The following MTMR7 variants were observed in gnomAD, a reference collection of about 807,000 sequenced individuals.
The protein encoded by MTMR7 is myotubularin related protein 7.
Under a neutral mutation model 81.2 loss-of-function variants are expected in MTMR7, and 76 were observed. That is an observed-to-expected ratio of 0.94 (90% confidence interval 0.78 to 1.13). MTMR7 has a LOEUF of 1.13. Ranked by LOEUF, MTMR7 falls within the 50% of genes most tolerant of loss-of-function variation. The probability of loss-of-function intolerance (pLI) is 0.00; values close to 1 mark genes in which losing one functional copy is unlikely to be tolerated. For missense variants in MTMR7, 1,044 were observed against 820.0 expected, an observed-to-expected ratio of 1.27 and a Z score of -3.34; for synonymous variants, 372 against 289.8, an observed-to-expected ratio of 1.28 and a Z score of -2.88.
At chr8:17,332,703 G>T (rs61003777) in intron 6 of MTMR7, among the ~76,000 whole-genome samples, 17,526 of 152,200 alleles carry the variant, frequency 0.12, 1,330 homozygotes, top group East Asian at 0.32. Flanking sequence ...CATATAGGTC[G>T]AACCATTAAG....
intron 1 of MTMR7, among the ~76,000 whole-genome samples, chr8:17,394,815 T>C (rs954041748): frequency 4.5e-4 from 60 of 133,150 alleles, no homozygotes; most frequent in Admixed American, 8.0e-4. Flanking sequence ...ATAGTTGATA[T>C]ACATTTGCCA....
At chr8:17,412,018 G>A (rs1391541919) in intron 1 of MTMR7, among the ~76,000 whole-genome samples, 1 of 152,168 alleles carries the variant, frequency 6.6e-6, no homozygotes, top group Non-Finnish European at 1.5e-5. Context: ...TGAAAGCTTT[G>A]AGCCACCTAT....
chr8:17,357,623 G>A (rs1326102780), intron 4 of MTMR7, among the ~76,000 whole-genome samples: 3 of 152,042 alleles, frequency 2.0e-5, no homozygotes, highest in Non-Finnish European at 4.4e-5. Context: ...CCTGTACATC[G>A]TTTCACTCAA....
At position 17,371,351 on chromosome 8, in the gene MTMR7, T is replaced by A. The variant is rs1007334408; in HGVS notation, c.148-152A>T. On this transcript the variant is annotated intron_variant, in intron 2 of 13. Coordinates refer to ENST00000180173, the MANE Select transcript of MTMR7 (RefSeq NM_004686.5). ...TGCGTTCAGATGACAAGCACTGAGA[T>A]GTTCCAGGTAAGAACCAACTTCCTA... 10 of 776,978 alleles carry A rather than the reference T, an allele frequency of 1.3e-5. 1 individual carries two copies. Among genetic ancestry groups the A allele is most frequent in the Non-Finnish European group, 2.0e-5 (10 of 506,978 alleles). 48.1% of individuals were successfully genotyped at this position (776,978 alleles called of 1,614,324 possible).
chr8:17,390,235 A>G (rs1026997625), intron 1 of MTMR7, among the ~76,000 whole-genome samples: 2 of 152,094 alleles, frequency 1.3e-5, no homozygotes, highest in Non-Finnish European at 2.9e-5. Flanking sequence ...GGGAGGCCTC[A>G]GGAAGCTTCC....
At chr8:17,343,895 G>A (rs962091124) in intron 5 of MTMR7, among the ~76,000 whole-genome samples, 1 of 152,114 alleles carries the variant, frequency 6.6e-6, no homozygotes, top group Non-Finnish European at 1.5e-5. Context: ...TATCCAAAGA[G>A]TATTACTATT....
At chr8:17,390,432 C>T (rs775974528) in intron 1 of MTMR7, among the ~76,000 whole-genome samples, 1 of 152,120 alleles carries the variant, frequency 6.6e-6, no homozygotes, top group South Asian at 2.1e-4. Flanking sequence ...ATCATGCAAC[C>T]ATCTCCCACC....
At position 17,297,570 on chromosome 8, in the gene MTMR7, T is replaced by TCAA. The variant is rs1341137407; in HGVS notation, c.*2289_*2291dup. 2 of 151,992 alleles carry TCAA rather than the reference T, an allele frequency of 1.3e-5. No individual in the cohort carries two copies. Among genetic ancestry groups the TCAA allele is most frequent in the East Asian group, 1.9e-4 (1 of 5,202 alleles). The allele number at this position is 151,992 out of a possible 1,614,324, so 9.4% of individuals were successfully genotyped here. A position where few individuals can be genotyped will look rare whatever the true frequency, so the allele number is the denominator to read the frequency against. On this transcript the variant is annotated 3_prime_UTR_variant, in exon 14 of 14. Transcript: ENST00000180173. Reference sequence around the variant, plus strand: ...AAAATTCTTACCTATTTATTTCATATCAACTTTAAAAAATAAATTACTTGC... The same window carrying TCAA: ...AAAATTCTTACCTATTTATTTCATATCAACAACTTTAAAAAATAAATTACTTGC...
At chr8:17,362,089 C>G (rs1170947845) in intron 3 of MTMR7, among the ~76,000 whole-genome samples, 1 of 152,044 alleles carries the variant, frequency 6.6e-6, no homozygotes, top group Admixed American at 6.6e-5. Context: ...CCAGCGCTAT[C>G]CAACAGAAAT....
At chr8:17,314,189 C>G (rs1382186704) in intron 7 of MTMR7, among the ~76,000 whole-genome samples, 1 of 152,110 alleles carries the variant, frequency 6.6e-6, no homozygotes, top group Admixed American at 6.5e-5. Context: ...ATCACAAATA[C>G]GGCAATCCAA....
chr8:17,302,804 C>T (rs1817215063), intron 12 of MTMR7, among the ~76,000 whole-genome samples: 1 of 149,640 alleles, frequency 6.7e-6, no homozygotes, highest in Non-Finnish European at 1.5e-5. Flanking sequence ...CCTCCACCTC[C>T]CGGGTTCAAG....
chr8:17,341,700 C>A (rs1004221168), intron 5 of MTMR7, among the ~76,000 whole-genome samples: 4 of 152,148 alleles, frequency 2.6e-5, no homozygotes, highest in Admixed American at 1.3e-4. Flanking sequence ...ATACAAAGAA[C>A]CTGTCTGTGC....
At chr8:17,392,084 G>C (rs1821125651) in intron 1 of MTMR7, among the ~76,000 whole-genome samples, 1 of 152,128 alleles carries the variant, frequency 6.6e-6, no homozygotes, top group Non-Finnish European at 1.5e-5. Flanking sequence ...CACGGACAAA[G>C]TCACGGAATC....
At position 17,300,007 on chromosome 8, in the gene MTMR7, G is replaced by A; in HGVS notation, c.1838C>T (p.Ser613Leu). The A allele has an allele frequency of 6.2e-7, 1 of 1,614,136 alleles. No homozygotes were observed. Among genetic ancestry groups the A allele is most frequent in the Non-Finnish European group, 8.5e-7 (1 of 1,180,016 alleles). Reference sequence around the variant, plus strand: ...ACTGTTGGCTGACAGATCTGGATCTGAACTTTTCAGATTGTCTTGGGTTAG... The same window carrying A: ...ACTGTTGGCTGACAGATCTGGATCTAAACTTTTCAGATTGTCTTGGGTTAG... ...LILTQDNLKS[S>L]DPDLSANSDQ... Residue 613 changes from serine (S) to leucine (L), a missense_variant, in exon 14 of 14, where the codon TCA (serine) becomes TTA (leucine). By Grantham distance (145) the Ser-to-Leu change is moderately radical. Coordinates refer to ENST00000180173, the MANE Select transcript of MTMR7 (RefSeq NM_004686.5).
At chr8:17,337,506 T>G (rs1324298180) in intron 6 of MTMR7, among the ~76,000 whole-genome samples, 2 of 152,192 alleles carry the variant, frequency 1.3e-5, no homozygotes. Context: ...CACCTTCATA[T>G]GTTCTTAAAG....
rs146438584 is a variant in MTMR7 at position 17,413,309 on chromosome 8, C to T, written c.-17G>A. On this transcript the variant is annotated 5_prime_UTR_variant, in exon 1 of 14. Transcript: ENST00000180173. Reference sequence around the variant, plus strand: ...GTGCTCCATGGCTGGCCCACGTCTGCAGGGTCCCGGGCGGGCGCGGCCTCA... The same window carrying T: ...GTGCTCCATGGCTGGCCCACGTCTGTAGGGTCCCGGGCGGGCGCGGCCTCA... The T allele has an allele frequency of 0.062, 95,967 of 1,540,432 alleles. 3,496 individuals carry two copies. Among genetic ancestry groups the T allele is most frequent in the Non-Finnish European group, 0.073 (83,377 of 1,141,548 alleles).
intron 1 of MTMR7, among the ~76,000 whole-genome samples, chr8:17,405,833 TATACACACACAC>T (rs1387397179): frequency 3.8e-5 from 3 of 78,972 alleles, no homozygotes; most frequent in Middle Eastern, 7.0e-3. Context: ...TCCCCAAAAC[TATACACACACAC>T]ACACACACAC....
chr8:17,368,196 G>A (rs554264391), intron 3 of MTMR7, among the ~76,000 whole-genome samples: 23 of 152,170 alleles, frequency 1.5e-4, no homozygotes, highest in African/African-American at 5.5e-4. Flanking sequence ...ATGCTCCTAA[G>A]AGAATTAATG....
intron 7 of MTMR7, among the ~76,000 whole-genome samples, chr8:17,316,723 A>T (rs1469089910): frequency 2.0e-5 from 3 of 152,372 alleles, no homozygotes; most frequent in East Asian, 1.9e-4. Context: ...CTATTTACAC[A>T]GCACCTACAT....
Sources: gnomAD v4.1 joint callset for allele counts (sites outside exome capture counted in the v4.1 genomes callset) on GRCh38, gnomAD v4.1.1 for gene constraint, MANE v1.5 for transcripts, NCBI Gene and HGNC (gene_info 2026-07-23, HGNC 2026-07-21) for gene names.